PHF2: variants seen among roughly 807,000 people sequenced by gnomAD.
The protein encoded by PHF2 is PHD finger protein 2.
PHF2 carries 27 observed loss-of-function variants against 120.5 expected under a neutral mutation model. That is an observed-to-expected ratio of 0.22 (90% CI 0.17 to 0.31). PHF2 has a LOEUF of 0.31. Among genes scored for constraint, PHF2 ranks in the 10% least tolerant of loss-of-function variants. The pLI is 1.00. For missense variants in PHF2, 1,024 were observed against 1,434.8 expected (o/e 0.71, Z 4.63); for synonymous variants, 568 against 592.5 (o/e 0.96, Z 0.60).
At chr9:93,674,640 C>G (rs1157154742) in intron 18 of PHF2, among the ~76,000 whole-genome samples, 2 of 152,144 alleles carry the variant, frequency 1.3e-5, no homozygotes, top group African/African-American at 4.8e-5. Flanking sequence ...GGCTTGCAGG[C>G]ACTGGGGCTA....
rs375553347 is a variant in PHF2, at chr9:93,619,779, G to T, written c.99-10191G>T. ...CTGTTGTCGCAGGAAGAAACTCAGG[G>T]GGTGCTGCTCTTAGCCAGGGTTAAA... On this transcript the variant is annotated intron_variant, in intron 1 of 21. Transcript: ENST00000359246. 9.8e-5 allele frequency among the ~76,000 whole-genome samples: 15 copies of T among 152,332 alleles called. No homozygotes were observed. The East Asian group carries it at 1.9e-3, about 20-fold the overall frequency.
intron 3 of PHF2, 41 bp downstream of exon 3, chr9:93,636,566 G>C: frequency 1.5e-6 from 2 of 1,319,582 alleles, no homozygotes; most frequent in Non-Finnish European, 2.1e-6. Flanking sequence ...CTGCAGCCAG[G>C]GGATGCACAC....
intron 12 of PHF2, among the ~76,000 whole-genome samples, chr9:93,660,994 G>A (rs535140399): frequency 3.3e-5 from 5 of 151,470 alleles, no homozygotes; most frequent in Admixed American, 6.6e-5. Context: ...AAGAAGCCCT[G>A]GGTCCTCCCT....
chr9:93,633,699 CCCA>C (rs1377662001), intron 2 of PHF2, among the ~76,000 whole-genome samples: 1 of 152,214 alleles, frequency 6.6e-6, no homozygotes, highest in Non-Finnish European at 1.5e-5. Context: ...AGGGCCCCGC[CCCA>C]CGAGAGAGGA....
In PHF2 at chr9:93,654,372, A is replaced by C. The variant is rs117671021; in HGVS notation, c.790-41A>C. ...TGTCACTTGCACCCCCGACCCCCGC[A>C]TCCCAGTATGGGCGGCTCTGCCAAC... On this transcript the variant is annotated intron_variant, in intron 6 of 21. Transcript: ENST00000359246. 779 of 1,596,098 alleles carry C rather than the reference A, an allele frequency of 4.9e-4. 2 individuals are homozygous for C. The East Asian group carries it at 0.014, about 29-fold the overall frequency.
chr9:93,662,178 GATGA>G (rs1826582175), intron 12 of PHF2, among the ~76,000 whole-genome samples: 1 of 151,562 alleles, frequency 6.6e-6, no homozygotes, highest in Non-Finnish European at 1.5e-5. Flanking sequence ...TAGATGGATG[GATGA>G]ATGAATGGGT....
chr9:93,630,115 G>C (rs745382438), intron 2 of PHF2, 60 bp downstream of exon 2: 39 of 1,514,712 alleles, frequency 2.6e-5, no homozygotes, highest in Non-Finnish European at 3.6e-5. Flanking sequence ...CACCCTGCCT[G>C]GGCTGCGTGG....
At chr9:93,615,209 T>TAGTGAC (rs1027893793) in intron 1 of PHF2, among the ~76,000 whole-genome samples, 7 of 148,976 alleles carry the variant, frequency 4.7e-5, no homozygotes, top group Admixed American at 6.6e-5. Flanking sequence ...ATGATGGTGA[T>TAGTGAC]GGTGATGGTG....
chr9:93,674,284 C>T (rs1330022253), intron 18 of PHF2, among the ~76,000 whole-genome samples: 3 of 152,088 alleles, frequency 2.0e-5, no homozygotes, highest in East Asian at 1.9e-4. Context: ...GTCACCGCCT[C>T]ACCGTGTTGG....
At chr9:93,668,303 T>C (rs1330416965) in intron 17 of PHF2, among the ~76,000 whole-genome samples, 1 of 152,136 alleles carries the variant, frequency 6.6e-6, no homozygotes, top group Non-Finnish European at 1.5e-5. Flanking sequence ...AGAGATGTGC[T>C]TGTGGCTGGG....
At chr9:93,585,754 G>C (rs1863030367) in intron 1 of PHF2, among the ~76,000 whole-genome samples, 1 of 152,236 alleles carries the variant, frequency 6.6e-6, no homozygotes, top group Non-Finnish European at 1.5e-5. Context: ...TCTTATTGTA[G>C]CTTTGTGATT....
At chr9:93,624,827 T>C (rs1486858526) in intron 1 of PHF2, among the ~76,000 whole-genome samples, 2 of 151,390 alleles carry the variant, frequency 1.3e-5, no homozygotes, top group African/African-American at 4.9e-5. Flanking sequence ...ATGATGATGG[T>C]GATGATGATG....
chr9:93,664,235 G>A (rs1377065947), intron 14 of PHF2, among the ~76,000 whole-genome samples: 1 of 152,138 alleles, frequency 6.6e-6, no homozygotes, highest in African/African-American at 2.4e-5. Context: ...ACCCACCTGG[G>A]AGTCAGGAGG....
chr9:93,649,050 C>T, intron 4 of PHF2, 21 bp from the exon 5 acceptor site: 3 of 1,550,410 alleles, frequency 1.9e-6, no homozygotes, highest in Non-Finnish European at 2.6e-6. Flanking sequence ...GGTGCTCAAG[C>T]TCCTCCCACC....
intron 17 of PHF2, among the ~76,000 whole-genome samples, chr9:93,673,205 G>A (rs1302918780): frequency 1.3e-5 from 2 of 151,914 alleles, no homozygotes; most frequent in East Asian, 3.8e-4. Context: ...TACACAGAGT[G>A]GCTGGGGTGC....
At chr9:93,648,977 C>T (rs1227705991) in intron 4 of PHF2, 94 bp from the exon 5 acceptor site, 4 of 1,404,878 alleles carry the variant, frequency 2.8e-6, no homozygotes, top group Non-Finnish European at 2.9e-6. Context: ...TGTGTGAGGG[C>T]AGCCAAGAGT....
chr9:93,664,282 T>C (rs1379700231), intron 14 of PHF2, among the ~76,000 whole-genome samples: 1 of 150,426 alleles, frequency 6.6e-6, no homozygotes, highest in Non-Finnish European at 1.5e-5. Flanking sequence ...GATTAGGGGG[T>C]GTGTTTGGGT....
intron 2 of PHF2, among the ~76,000 whole-genome samples, chr9:93,631,983 T>G (rs926709220): frequency 6.6e-5 from 10 of 151,758 alleles, no homozygotes; most frequent in African/African-American, 2.4e-4. Flanking sequence ...TTGCATGAGT[T>G]GGGGCTGGGG....
At chr9:93,673,117 G>A (rs903960501) in intron 17 of PHF2, among the ~76,000 whole-genome samples, 5 of 151,880 alleles carry the variant, frequency 3.3e-5, no homozygotes, top group African/African-American at 4.8e-5. Flanking sequence ...ACATGGGAAG[G>A]TTCCCTACAA....
Sources: gnomAD v4.1 joint callset for allele counts (sites outside exome capture counted in the v4.1 genomes callset) on GRCh38, gnomAD v4.1.1 for gene constraint, MANE v1.5 for transcripts, NCBI Gene and HGNC (gene_info 2026-07-23, HGNC 2026-07-21) for gene names.